Variants in PTGFRN observed in about 807,000 individuals in gnomAD.
The protein encoded by PTGFRN is prostaglandin F2 receptor negative regulator.
In PTGFRN, 35 loss-of-function variants were observed where a neutral mutation model predicts 83.2. That is an observed-to-expected ratio of 0.42 (90% confidence interval 0.32 to 0.56). The LOEUF is 0.56. PTGFRN is among the 20% of genes least tolerant of loss of function. PTGFRN has a pLI of 0.11. For synonymous variants in PTGFRN, 519 were observed against 498.6 expected (o/e 1.04, Z -0.55); for missense variants, 1,051 against 1,179.5 (o/e 0.89, Z 1.60).
chr1:116,968,960 A>G (rs1650915528), intron 6 of PTGFRN, among the ~76,000 whole-genome samples: 1 of 152,056 alleles, frequency 6.6e-6, no homozygotes, highest in Non-Finnish European at 1.5e-5. Context: ...CTGTTGATGG[A>G]CGTTTAGACT....
At chr1:116,962,793 G>A (rs910558102) in intron 5 of PTGFRN, among the ~76,000 whole-genome samples, 1 of 152,036 alleles carries the variant, frequency 6.6e-6, no homozygotes, top group African/African-American at 2.4e-5. Context: ...AACCTTACTG[G>A]GGCCAACAAT....
intron 1 of PTGFRN, among the ~76,000 whole-genome samples, chr1:116,931,579 A>G (rs1207095725): frequency 4.0e-5 from 6 of 150,728 alleles, no homozygotes; most frequent in Non-Finnish European, 7.4e-5. Flanking sequence ...GTTCTGCCAT[A>G]TGTGACTTCA....
At chr1:116,983,638 T>A (rs79681107) in intron 7 of PTGFRN, among the ~76,000 whole-genome samples, 10,442 of 152,310 alleles carry the variant, frequency 0.069, 429 homozygotes, top group Non-Finnish European at 0.082. Context: ...TTGCTTTTAG[T>A]TCTGCTTACT....
intron 1 of PTGFRN, among the ~76,000 whole-genome samples, chr1:116,939,209 T>G (rs1650001652): frequency 6.6e-6 from 1 of 152,268 alleles, no homozygotes; most frequent in African/African-American, 2.4e-5. Context: ...CATGCCCCAG[T>G]AGGGGCTGTT....
At chr1:116,926,817 A>G (rs1649670740) in intron 1 of PTGFRN, among the ~76,000 whole-genome samples, 1 of 152,220 alleles carries the variant, frequency 6.6e-6, no homozygotes, top group African/African-American at 2.4e-5. Context: ...CACATGTATT[A>G]GAGGAATTAG....
rs1651658768 is a variant in PTGFRN, at chr1:116,989,790, A to G, written c.*2823A>G. On this transcript the variant is annotated 3_prime_UTR_variant, in exon 9 of 9. Coordinates refer to ENST00000393203, the MANE Select transcript of PTGFRN (RefSeq NM_020440.4). ...AGAACTCTGACTCACCAACTGGGCTAAATTTTAATTTAAAAATGTATTTAT... is the reference window on the plus strand; with the variant it reads ...AGAACTCTGACTCACCAACTGGGCTGAATTTTAATTTAAAAATGTATTTAT... 6.6e-6 allele frequency: 1 copy of G among 152,624 alleles called. No individual in the cohort carries two copies. The highest frequency in any genetic ancestry group is 2.1e-4 in the South Asian group (1 of 4,830). The allele number at this position is 152,624 out of a possible 1,614,324, so 9.5% of individuals were successfully genotyped here. A position where few individuals can be genotyped will look rare whatever the true frequency, so the allele number is the denominator to read the frequency against.
In PTGFRN at chr1:116,952,339, C is replaced by T. The variant is rs752550014; in HGVS notation, c.1213+2767C>T. The stretch of plus-strand genomic sequence containing the variant: ...AGTTCCACTGTGCTAAGCAGGAAGA[C>T]GGGGCAATGACATGAATGGGCCTGG... On this transcript the variant is annotated intron_variant, in intron 4 of 8. Transcript: ENST00000393203. The surrounding 1 kb of genome is among the most constrained non-coding windows in gnomAD (Gnocchi z 4.0). Among the ~76,000 whole-genome samples, 5 of 151,944 alleles carry T rather than the reference C, an allele frequency of 3.3e-5. No homozygotes were observed. The highest frequency in any genetic ancestry group is 9.7e-5 in the African/African-American group (4 of 41,368).
intron 4 of PTGFRN, among the ~76,000 whole-genome samples, chr1:116,956,422 C>T (rs529140548): frequency 3.3e-5 from 5 of 152,306 alleles, no homozygotes; most frequent in South Asian, 2.1e-4. Flanking sequence ...ACTCTCATTC[C>T]GCTGTGTTTG....
Position 116,986,836 on chromosome 1 carries a change from G to T in PTGFRN, c.2509G>T (p.Val837Phe). 1 of 1,613,856 alleles carries T rather than the reference G, an allele frequency of 6.2e-7. No individual in the cohort carries two copies. The highest frequency in any genetic ancestry group is 1.3e-5 in the African/African-American group (1 of 74,950). Residue 837 changes from valine to phenylalanine, a missense_variant, in exon 9 of 9, where the codon GTC (valine) becomes TTC (phenylalanine). Coordinates refer to ENST00000393203, the MANE Select transcript of PTGFRN (RefSeq NM_020440.4). ...CTTCAAGTATCCCTTGCTGATCGGC[G>T]TCGGTCTGTCCACGGTCATCGGGCT... is the stretch of plus-strand genomic sequence containing the variant. ...NAFKYPLLIG[V>F]GLSTVIGLLS...
intron 1 of PTGFRN, 65 bp downstream of exon 1, chr1:116,910,317 G>C: frequency 8.0e-7 from 1 of 1,247,188 alleles, no homozygotes; most frequent in Non-Finnish European, 1.0e-6. Context: ...GCTCGGCGGG[G>C]CGCGGCTGCA....
At chr1:116,916,822 G>A (rs1237155483) in intron 1 of PTGFRN, among the ~76,000 whole-genome samples, 1 of 152,132 alleles carries the variant, frequency 6.6e-6, no homozygotes, top group Non-Finnish European at 1.5e-5. Flanking sequence ...TACACGCCGG[G>A]CATTGTTCTG....
rs1331743779 is a variant in PTGFRN, at chr1:116,989,796, T to C, written c.*2829T>C. ...CTGACTCACCAACTGGGCTAAATTT[T>C]AATTTAAAAATGTATTTATTTGAGT... On this transcript the variant is annotated 3_prime_UTR_variant, in exon 9 of 9. Coordinates refer to ENST00000393203, the MANE Select transcript of PTGFRN (RefSeq NM_020440.4). The C allele has an allele frequency of 6.6e-6, 1 of 152,616 alleles. No individual in the cohort carries two copies. Among genetic ancestry groups the C allele is most frequent in the Non-Finnish European group, 1.5e-5 (1 of 68,032 alleles). The allele number at this position is 152,616 out of a possible 1,614,324, so 9.5% of individuals were successfully genotyped here. A position where few individuals can be genotyped will look rare whatever the true frequency, so the allele number is the denominator to read the frequency against.
Position 116,949,201 on chromosome 1 carries a change from C to G in PTGFRN, c.842C>G (p.Ala281Gly), listed in dbSNP as rs759360708. The change falls in exon 4 of 9, where the codon GCA (alanine) becomes GGA (glycine). Residue 281 changes from alanine to glycine, a missense_variant. By Grantham distance (60) the Ala-to-Gly change is moderately conservative. Around this residue, in one of 3 missense-constraint regions of PTGFRN, gnomAD observed 719 missense variants for 836.6 expected, o/e 0.86. Transcript: ENST00000393203. Reference sequence around the variant, plus strand: ...GTTTTTAATTTTCAAGTTCTGCGAGCAGCTGTGCCCAAGAATGTGTCTGTG... The same window carrying G: ...GTTTTTAATTTTCAAGTTCTGCGAGGAGCTGTGCCCAAGAATGTGTCTGTG... Reference protein sequence around the residue: ...TVVIQPSVLRAAVPKNVSVAE... With the variant: ...TVVIQPSVLRGAVPKNVSVAE... 4 of 1,580,308 alleles carry G rather than the reference C, an allele frequency of 2.5e-6. No homozygotes were observed. The African/African-American group carries it at 5.4e-5, about 21-fold the overall frequency.
chr1:116,947,683 G>A (rs1408769677), intron 3 of PTGFRN, among the ~76,000 whole-genome samples: 1 of 152,196 alleles, frequency 6.6e-6, no homozygotes, highest in African/African-American at 2.4e-5. Flanking sequence ...ACTTCCAGTA[G>A]CTGAAGTCCT....
At chr1:116,970,304 T>C (rs545530253) in intron 6 of PTGFRN, among the ~76,000 whole-genome samples, 1 of 151,758 alleles carries the variant, frequency 6.6e-6, no homozygotes, top group East Asian at 1.9e-4. Flanking sequence ...CCATTCTTAG[T>C]TTTTTTTTCA....
intron 4 of PTGFRN, among the ~76,000 whole-genome samples, chr1:116,950,301 T>C (rs1650310311): frequency 6.6e-6 from 1 of 152,220 alleles, no homozygotes; most frequent in Non-Finnish European, 1.5e-5. Flanking sequence ...CACTAACTTT[T>C]CCTAATTTTT....
rs537252823 is a variant in PTGFRN at position 116,979,863 on chromosome 1, A to T, written c.2168-4817A>T. Among the ~76,000 whole-genome samples the T allele has an allele frequency of 8.6e-3, 1,311 of 152,306 alleles. 10 individuals are homozygous for T. The highest frequency in any genetic ancestry group is 0.027 in the Middle Eastern group (8 of 294). On this transcript the variant is annotated intron_variant, in intron 7 of 8. Coordinates refer to ENST00000393203, the MANE Select transcript of PTGFRN (RefSeq NM_020440.4). ...AAGCAATGGCAACAAAAGCCAAAAT[A>T]GACAAATGGGATCTAATTAAACTAA...
chr1:116,940,568 T>A (rs1428923749), intron 1 of PTGFRN, among the ~76,000 whole-genome samples: 2 of 152,188 alleles, frequency 1.3e-5, no homozygotes, highest in Non-Finnish European at 2.9e-5. Context: ...GGGACATAAT[T>A]CAACCTATAA....
intron 1 of PTGFRN, among the ~76,000 whole-genome samples, chr1:116,926,462 A>G (rs1649663213): frequency 1.3e-5 from 2 of 152,302 alleles, no homozygotes; most frequent in South Asian, 2.1e-4. Context: ...AGCCTTTTCT[A>G]TCTCTGGTCC....
Sources: gnomAD v4.1 joint callset for allele counts (sites outside exome capture counted in the v4.1 genomes callset) on GRCh38, gnomAD v4.1.1 for gene constraint, gnomAD v4.1.1 regional missense constraint, Gnocchi (gnomAD v3.1) non-coding constraint, MANE v1.5 for transcripts, NCBI Gene and HGNC (gene_info 2026-07-23, HGNC 2026-07-21) for gene names.